LEO1: variants seen among roughly 807,000 people sequenced by gnomAD.
The protein encoded by LEO1 is LEO1 component of Paf1/RNA polymerase II complex, also known as RNA polymerase-associated protein LEO1.
LEO1 carries 34 observed loss-of-function variants against 80.4 expected under a neutral mutation model. The observed-to-expected ratio is 0.42, with a 90% CI of 0.32 to 0.56. The LOEUF (loss-of-function observed/expected upper bound fraction) is 0.56. LEO1 is among the 20% of genes least tolerant of loss of function. The pLI is 0.10. For synonymous variants in LEO1, 262 were observed against 274.9 expected (o/e 0.95, Z 0.46); for missense variants, 631 against 814.2 (o/e 0.77, Z 2.74).
At chr15:51,968,693 G>A (rs1425499182) in intron 1 of LEO1, among the ~76,000 whole-genome samples, 1 of 152,096 alleles carries the variant, frequency 6.6e-6, no homozygotes, top group Non-Finnish European at 1.5e-5. Context: ...GCCAGGCGTG[G>A]TGGTGCATGC....
intron 11 of LEO1, among the ~76,000 whole-genome samples, chr15:51,942,615 G>A (rs1012469319): frequency 3.7e-4 from 56 of 152,174 alleles, no homozygotes; most frequent in African/African-American, 1.2e-3. Flanking sequence ...AAACAAATAC[G>A]TTGCAGAACA....
intron 2 of LEO1, among the ~76,000 whole-genome samples, chr15:51,963,285 T>C (rs1389533166): frequency 6.6e-6 from 1 of 151,658 alleles, no homozygotes; most frequent in Non-Finnish European, 1.5e-5. Context: ...AATAAATAAA[T>C]ATACTGGCTT....
Position 51,965,805 on chromosome 15 carries a change from G to A in LEO1, c.758C>T (p.Ala253Val). The change falls in exon 2 of 12, where the codon GCC becomes GTC. Residue 253 changes from alanine to valine, a missense_variant. Ala to Val is a moderately conservative substitution (Grantham distance 64, BLOSUM62 0). Coordinates refer to ENST00000299601, the MANE Select transcript of LEO1 (RefSeq NM_138792.4). ...MQNSDDERPQ[A>V]SDEEHRHSDD... ...TGAATGCCTGTGTTCTTCATCTGAG[G>A]CCTGTGGCCTTTCATCATCAGAATT... is the stretch of plus-strand genomic sequence containing the variant. 1.2e-6 allele frequency: 2 copies of A among 1,613,840 alleles called. No homozygotes were observed. Among genetic ancestry groups the A allele is most frequent in the East Asian group, 2.2e-5 (1 of 44,884 alleles).
chr15:51,941,062 G>A (rs924075785), intron 11 of LEO1, among the ~76,000 whole-genome samples: 4 of 151,524 alleles, frequency 2.6e-5, no homozygotes, highest in African/African-American at 9.7e-5. Flanking sequence ...AACAGAGCAA[G>A]ACTCCATCTC....
At chr15:51,946,001 T>G (rs1026378990) in intron 11 of LEO1, among the ~76,000 whole-genome samples, 1 of 151,300 alleles carries the variant, frequency 6.6e-6, no homozygotes, top group Admixed American at 6.6e-5. Context: ...GCCACTGCAC[T>G]CCAGCCTGGG....
chr15:51,958,415 G>A (rs1343868783), intron 6 of LEO1, among the ~76,000 whole-genome samples: 1 of 152,094 alleles, frequency 6.6e-6, no homozygotes. Context: ...GGTTTGTGCC[G>A]CTGTACTCCA....
At chr15:51,938,321 A>C in intron 11 of LEO1, 61 bp from the exon 12 acceptor site, 1 of 991,024 alleles carries the variant, frequency 1.0e-6, no homozygotes, top group Non-Finnish European at 1.5e-6. Flanking sequence ...AGGATGGTTT[A>C]TGAAAAGTAG....
intron 2 of LEO1, among the ~76,000 whole-genome samples, chr15:51,963,401 C>G (rs776533142): frequency 1.4e-4 from 21 of 152,126 alleles, no homozygotes; most frequent in Non-Finnish European, 2.2e-4. Flanking sequence ...TAAAAAGGAA[C>G]TGACAAATAT....
chr15:51,954,933 ATT>A (rs34049838), intron 6 of LEO1: 301 of 140,464 alleles, frequency 2.1e-3, no homozygotes, highest in South Asian at 7.9e-3. Context: ...TGAGGCAGAA[ATT>A]TTTTTTTTTT....
At chr15:51,948,306 C>T (rs560156096) in intron 10 of LEO1, among the ~76,000 whole-genome samples, 2 of 152,328 alleles carry the variant, frequency 1.3e-5, no homozygotes, top group East Asian at 3.9e-4. Flanking sequence ...TTTTTAATCT[C>T]TGGTGACCTG....
intron 11 of LEO1, among the ~76,000 whole-genome samples, chr15:51,943,928 G>A (rs1333489556): frequency 6.6e-6 from 1 of 152,072 alleles, no homozygotes; most frequent in Non-Finnish European, 1.5e-5. Context: ...GAAGAACGGA[G>A]AAAACAGAAT....
At position 51,956,345 on chromosome 15, in the gene LEO1, G is replaced by A. The variant is rs140942903; in HGVS notation, c.1246-1770C>T. 3.0e-3 allele frequency among the ~76,000 whole-genome samples: 453 copies of A among 151,650 alleles called. 5 individuals are homozygous for A. The highest frequency in any genetic ancestry group is 0.01 in the African/African-American group (424 of 41,296). ...TGAGGCTGGAGAATTGCTTGAACCC[G>A]GGAGGCGGGGGTTGCAGTGAGCTGA... On this transcript the variant is annotated intron_variant, in intron 6 of 11. Transcript: ENST00000299601.
In LEO1 at chr15:51,949,914, C is replaced by A. The variant is rs200058241; in HGVS notation, c.1692G>T (p.Gly564=). 39 of 1,613,954 alleles carry A rather than the reference C, an allele frequency of 2.4e-5. No individual in the cohort carries two copies. Among genetic ancestry groups the A allele is most frequent in the Non-Finnish European group, 3.2e-5 (38 of 1,180,024 alleles). The part of the protein sequence containing the change: ...RRMREKQHQR[G]LSASYLEPDR... ...CAGGTTCCAGGTAACTGGCGCTCAG[C>A]CCCCGCTGGTGCTGTTTCTCTCTCA... is the stretch of plus-strand genomic sequence containing the variant. The change falls in exon 10 of 12, where the codon GGG becomes GGT. Residue 564 remains glycine (G), a synonymous_variant. Coordinates refer to ENST00000299601, the MANE Select transcript of LEO1 (RefSeq NM_138792.4).
intron 3 of LEO1, among the ~76,000 whole-genome samples, chr15:51,961,828 TC>T (rs1213956834): frequency 6.6e-6 from 1 of 151,166 alleles, no homozygotes; most frequent in Non-Finnish European, 1.5e-5. Flanking sequence ...GTAACCTCCA[TC>T]CCAATAAGAA....
intron 5 of LEO1, among the ~76,000 whole-genome samples, chr15:51,959,193 G>C (rs1205226176): frequency 6.6e-6 from 1 of 151,780 alleles, no homozygotes; most frequent in Non-Finnish European, 1.5e-5. Context: ...GTAGAGACAG[G>C]GTGTTTCTCC....
chr15:51,962,932 C>CCG (rs2057043418), intron 2 of LEO1, among the ~76,000 whole-genome samples: 4 of 150,196 alleles, frequency 2.7e-5, no homozygotes, highest in Admixed American at 2.0e-4. Context: ...CATGCCCCCC[C>CCG]CCCAAAAAAT....
intron 5 of LEO1, 92 bp from the exon 6 acceptor site, chr15:51,958,918 A>G: frequency 1.8e-6 from 1 of 567,192 alleles, no homozygotes; most frequent in Non-Finnish European, 3.1e-6. Flanking sequence ...ACACCATTAT[A>G]TCAAAAAATC....
chr15:51,966,418 C>T lies in LEO1; in HGVS notation c.145G>A (p.Glu49Lys). ...NASGSESDQD[E>K]RGDSGQPSNK... ...CTTGGTTGTCCTGAATCACCTCTTTCATCCTGATCACTTTCACTTCCAGAG... is the reference window on the plus strand; with the variant it reads ...CTTGGTTGTCCTGAATCACCTCTTTTATCCTGATCACTTTCACTTCCAGAG... The change falls in exon 2 of 12, where the codon GAA becomes AAA. Residue 49 changes from glutamate to lysine, a missense_variant. Glu to Lys is a moderately conservative substitution (Grantham distance 56). Coordinates refer to ENST00000299601, the MANE Select transcript of LEO1 (RefSeq NM_138792.4). 1 of 1,614,158 alleles carries T rather than the reference C, an allele frequency of 6.2e-7. No homozygotes were observed. Among genetic ancestry groups the T allele is most frequent in the Admixed American group, 1.7e-5 (1 of 60,020 alleles).
intron 4 of LEO1, among the ~76,000 whole-genome samples, chr15:51,960,283 A>G (rs1287990703): frequency 1.3e-5 from 2 of 152,234 alleles, no homozygotes; most frequent in East Asian, 3.9e-4. Flanking sequence ...ATACTCAACA[A>G]AAGTGTGAAA....
Sources: gnomAD v4.1 joint callset for allele counts (sites outside exome capture counted in the v4.1 genomes callset) on GRCh38, gnomAD v4.1.1 for gene constraint, MANE v1.5 for transcripts, NCBI Gene and HGNC (gene_info 2026-07-23, HGNC 2026-07-21) for gene names.